The following PHF24 variants were observed in gnomAD, a reference collection of about 807,000 sequenced individuals.
PHF24 encodes PHD finger protein 24, also known as Galpha inhibitory interacting protein.
A neutral mutation model predicts 42.6 loss-of-function variants in PHF24; 25 were observed. The observed-to-expected ratio is 0.59, with a 90% CI of 0.43 to 0.82. The LOEUF (loss-of-function observed/expected upper bound fraction) is 0.82, where lower values mean the gene tolerates loss of function less well. PHF24 is among the 40% of genes least tolerant of loss of function. The pLI, the probability that PHF24 is intolerant of heterozygous loss-of-function variation, is 0.00. For missense variants in PHF24, 470 were observed against 538.1 expected, an observed-to-expected ratio of 0.87 and a Z score of 1.25; for synonymous variants, 185 against 204.8, an observed-to-expected ratio of 0.90 and a Z score of 0.83.
the PHF24 span, among the ~76,000 whole-genome samples, chr9:34,929,516 A>G: frequency 6.6e-6 from 1 of 152,262 alleles, no homozygotes; most frequent in East Asian, 1.9e-4. Flanking sequence ...ATTTGTGGGG[A>G]AAAAAATGAA....
At chr9:34,949,396 G>C in the PHF24 span, among the ~76,000 whole-genome samples, 1 of 152,150 alleles carries the variant, frequency 6.6e-6, no homozygotes, top group South Asian at 2.1e-4. Context: ...TTACACTGTT[G>C]GTGGGAGTGT....
chr9:34,953,887 G>A (rs1826313024), upstream of PHF24, among the ~76,000 whole-genome samples: 2 of 152,260 alleles, frequency 1.3e-5, no homozygotes, highest in African/African-American at 4.8e-5. This position sits in a 1 kb window ranked among gnomAD's most constrained non-coding sequence, Gnocchi z 4.1. Flanking sequence ...AGTGAGCTGT[G>A]ATTGCGCCTC....
the PHF24 span, among the ~76,000 whole-genome samples, chr9:34,855,756 G>A: frequency 2.0e-5 from 3 of 152,066 alleles, no homozygotes; most frequent in East Asian, 1.9e-4. Flanking sequence ...TGTGTCTTGG[G>A]GTTGATCTTG....
At chr9:34,688,287 G>A in the PHF24 span, among the ~76,000 whole-genome samples, 1 of 152,192 alleles carries the variant, frequency 6.6e-6, no homozygotes, top group Non-Finnish European at 1.5e-5. Context: ...CAGTGGCACA[G>A]CCTTGTCACT....
At chr9:34,980,917 G>A (rs1175797866) in exon 8 of PHF24, 3 of 152,320 alleles carry the variant, frequency 2.0e-5, no homozygotes, top group Non-Finnish European at 4.4e-5. Context: ...ATGTTCAGAT[G>A]TGAATGAAGG....
chr9:34,928,222 A>AG, the PHF24 span, among the ~76,000 whole-genome samples: 1 of 151,682 alleles, frequency 6.6e-6, no homozygotes, highest in African/African-American at 2.4e-5. Flanking sequence ...GTCTCAAAAA[A>AG]AAAAAAAAAA....
chr9:34,729,484 CT>C, the PHF24 span: 1 of 1,505,738 alleles, frequency 6.6e-7, no homozygotes, highest in Non-Finnish European at 8.9e-7. Flanking sequence ...ATTCAGGGTT[CT>C]GGTGCCTAAT....
the PHF24 span, among the ~76,000 whole-genome samples, chr9:34,749,579 C>G: frequency 7.1e-6 from 1 of 141,418 alleles, no homozygotes; most frequent in Non-Finnish European, 1.6e-5. Flanking sequence ...TTTTTTTTTT[C>G]TGTTCAGTTC....
chr9:34,712,242 G>A, the PHF24 span, among the ~76,000 whole-genome samples: 2 of 151,414 alleles, frequency 1.3e-5, no homozygotes, highest in Non-Finnish European at 2.9e-5. Context: ...AAAATCTTTG[G>A]GTTTCAACAA....
the PHF24 span, among the ~76,000 whole-genome samples, chr9:34,866,763 C>T: frequency 6.6e-6 from 1 of 152,226 alleles, no homozygotes; most frequent in Non-Finnish European, 1.5e-5. Flanking sequence ...CACTGCAGGG[C>T]TCTTGGAGCC....
the PHF24 span, among the ~76,000 whole-genome samples, chr9:34,763,572 G>C: frequency 6.6e-6 from 1 of 152,060 alleles, no homozygotes; most frequent in Non-Finnish European, 1.5e-5. Flanking sequence ...TGCTGAAGTT[G>C]CTTATCAGCT....
chr9:34,852,739 T>C, the PHF24 span, among the ~76,000 whole-genome samples: 94 of 152,362 alleles, frequency 6.2e-4, no homozygotes, highest in African/African-American at 2.2e-3. Flanking sequence ...CATTATGATA[T>C]GTTTTTGTAT....
the PHF24 span, among the ~76,000 whole-genome samples, chr9:34,722,239 G>A: frequency 6.7e-4 from 102 of 152,254 alleles, no homozygotes; most frequent in Non-Finnish European, 1.3e-3. Flanking sequence ...TGAGAAGTGG[G>A]CATTTTCTCG....
upstream of PHF24, chr9:34,958,243 G>A: frequency 6.5e-6 from 1 of 153,356 alleles, no homozygotes; most frequent in Non-Finnish European, 1.3e-5. The surrounding 1 kb of genome is among the most constrained non-coding windows in gnomAD (Gnocchi z 4.5). Flanking sequence ...CGCCGCCGCC[G>A]CCGCCGCCGC....
chr9:34,874,932 A>G, the PHF24 span, among the ~76,000 whole-genome samples: 1 of 152,208 alleles, frequency 6.6e-6, no homozygotes, highest in Admixed American at 6.6e-5. Flanking sequence ...TGTCCCCTCA[A>G]GCATTTATCC....
chr9:34,839,598 C>A, the PHF24 span, among the ~76,000 whole-genome samples: 1 of 152,176 alleles, frequency 6.6e-6, no homozygotes, highest in Non-Finnish European at 1.5e-5. Flanking sequence ...GAAAAAAATT[C>A]TTGGGCTCGA....
At chr9:34,809,276 G>C in the PHF24 span, among the ~76,000 whole-genome samples, 1 of 151,998 alleles carries the variant, frequency 6.6e-6, no homozygotes, top group African/African-American at 2.4e-5. This position sits in a 1 kb window ranked among gnomAD's most constrained non-coding sequence, Gnocchi z 4.1. Flanking sequence ...ATTTAAATAA[G>C]GTCTTCAGCA....
exon 3 of PHF24, chr9:34,972,470 A>T (rs758399222): frequency 6.2e-7 from 1 of 1,613,976 alleles, no homozygotes; most frequent in African/African-American, 1.3e-5. Context: ...ATCCAAGGAG[A>T]CAGTGCAGCG....
At chr9:34,857,240 G>A in the PHF24 span, among the ~76,000 whole-genome samples, 2 of 152,236 alleles carry the variant, frequency 1.3e-5, no homozygotes, top group African/African-American at 4.8e-5. Context: ...GAGGTGCCAT[G>A]GGAGTGGGGC....
Sources: allele counts gnomAD v4.1 joint callset (sites outside exome capture counted in the v4.1 genomes callset), GRCh38; gene constraint gnomAD v4.1.1; non-coding constraint Gnocchi (gnomAD v3.1); transcripts MANE v1.5; gene names NCBI Gene and HGNC (gene_info 2026-07-23, HGNC 2026-07-21).